GXYLT1: variants seen among roughly 807,000 people sequenced by gnomAD.
GXYLT1 encodes the protein glucoside xylosyltransferase 1.
A neutral mutation model predicts 54.0 loss-of-function variants in GXYLT1; 29 were observed. The ratio of observed to expected loss-of-function variants is 0.54; its 90% confidence interval spans 0.40 to 0.73. The LOEUF (loss-of-function observed/expected upper bound fraction) is 0.73. GXYLT1 is among the 30% of genes least tolerant of loss of function. GXYLT1 has a pLI of 0.00. For missense variants in GXYLT1, 490 were observed against 553.4 expected, an observed-to-expected ratio of 0.89 and a Z score of 1.15; for synonymous variants, 176 against 204.1, an observed-to-expected ratio of 0.86 and a Z score of 1.17.
intron 1 of GXYLT1, 108 bp downstream of exon 1, chr12:42,144,318 G>T: frequency 1.5e-6 from 1 of 665,844 alleles, no homozygotes. Context: ...GAGACAGGAG[G>T]AAAGACGCGG....
chr12:42,102,879 AGTT>A (rs1237372145), intron 5 of GXYLT1, among the ~76,000 whole-genome samples: 1 of 151,854 alleles, frequency 6.6e-6, no homozygotes, highest in Non-Finnish European at 1.5e-5. Flanking sequence ...ATTTTTAAAA[AGTT>A]GTATTTAATA....
At chr12:42,104,507 C>T (rs1239223471) in intron 5 of GXYLT1, among the ~76,000 whole-genome samples, 1 of 145,162 alleles carries the variant, frequency 6.9e-6, no homozygotes, top group Admixed American at 6.9e-5. Flanking sequence ...TTGTGGGAGA[C>T]AAAACTAAAT....
intron 3 of GXYLT1, among the ~76,000 whole-genome samples, chr12:42,112,012 T>C (rs953729853): frequency 3.9e-5 from 6 of 152,188 alleles, no homozygotes; most frequent in African/African-American, 7.2e-5. Flanking sequence ...CTGCTGCTGA[T>C]ACCCAGGCAA....
chr12:42,105,342 C>T (rs193071464), intron 5 of GXYLT1, among the ~76,000 whole-genome samples: 62 of 152,296 alleles, frequency 4.1e-4, no homozygotes, highest in Admixed American at 1.9e-3. Context: ...TATGTGTCAG[C>T]CACTGTTCTA....
At chr12:42,135,294 T>A (rs1249680879) in intron 1 of GXYLT1, among the ~76,000 whole-genome samples, 1 of 152,198 alleles carries the variant, frequency 6.6e-6, no homozygotes, top group Non-Finnish European at 1.5e-5. Context: ...GCCATAGACA[T>A]GTAATGTGTG....
intron 3 of GXYLT1, among the ~76,000 whole-genome samples, chr12:42,114,466 G>A (rs1182035357): frequency 6.6e-6 from 1 of 152,172 alleles, no homozygotes; most frequent in Non-Finnish European, 1.5e-5. Flanking sequence ...CAATCCCACA[G>A]AAATACAAAC....
rs534176750 is a variant in GXYLT1 at position 42,134,415 on chromosome 12, T to C, written c.222-4564A>G. On this transcript the variant is annotated intron_variant, in intron 1 of 7. Coordinates refer to ENST00000398675, the MANE Select transcript of GXYLT1 (RefSeq NM_173601.2). The stretch of plus-strand genomic sequence containing the variant: ...CAGCCTCAATCTCCTGGGCTCAAGC[T>C]ATCGTCCTGCCTCAGTCCCCAAGTA... Among the ~76,000 whole-genome samples, 33 of 152,244 alleles carry C rather than the reference T, an allele frequency of 2.2e-4. No homozygotes were observed. The South Asian group carries it at 6.0e-3, about 28-fold the overall frequency.
At position 42,106,083 on chromosome 12, in the gene GXYLT1, T is replaced by C. The variant is rs374286256; in HGVS notation, c.613-14A>G. On this transcript the variant is annotated splice_polypyrimidine_tract_variant and intron_variant, in intron 4 of 7. Transcript: ENST00000398675. Reference sequence around the variant, plus strand: ...TTTCAGGATTAACTACAAGGAGAGATATTTGAATGATTAACTATAATTCTA... The same window carrying C: ...TTTCAGGATTAACTACAAGGAGAGACATTTGAATGATTAACTATAATTCTA... The C allele has an allele frequency of 3.5e-6, 5 of 1,437,296 alleles. No individual in the cohort carries two copies. Among genetic ancestry groups the C allele is most frequent in the African/African-American group, 1.6e-5 (1 of 61,702 alleles). 89.0% of individuals were successfully genotyped at this position (1,437,296 alleles called of 1,614,324 possible). A position where few individuals can be genotyped will look rare whatever the true frequency, so the allele number is the denominator to read the frequency against.
intron 1 of GXYLT1, among the ~76,000 whole-genome samples, chr12:42,138,539 G>A (rs1592128941): frequency 1.6e-5 from 1 of 61,540 alleles, no homozygotes; most frequent in Non-Finnish European, 3.3e-5. Context: ...ATCTAAAAAA[G>A]GGAGGGGAAA....
chr12:42,103,676 T>C (rs1346217939), intron 5 of GXYLT1, among the ~76,000 whole-genome samples: 5 of 152,202 alleles, frequency 3.3e-5, no homozygotes, highest in Non-Finnish European at 7.3e-5. Context: ...AATCTGAGTA[T>C]GTTCCCAAGG....
intron 3 of GXYLT1, among the ~76,000 whole-genome samples, chr12:42,109,993 T>C (rs1022760976): frequency 7.2e-5 from 11 of 152,204 alleles, no homozygotes; most frequent in African/African-American, 2.7e-4. Context: ...CAACTTTACC[T>C]AATGTGTAAA....
At chr12:42,105,478 A>G (rs1342211451) in intron 5 of GXYLT1, among the ~76,000 whole-genome samples, 1 of 152,202 alleles carries the variant, frequency 6.6e-6, no homozygotes, top group East Asian at 1.9e-4. Flanking sequence ...CCTAAGGTAT[A>G]TCATAATTTA....
At chr12:42,136,388 A>C (rs2065619433) in intron 1 of GXYLT1, among the ~76,000 whole-genome samples, 1 of 152,220 alleles carries the variant, frequency 6.6e-6, no homozygotes, top group Non-Finnish European at 1.5e-5. Flanking sequence ...AACTCTATTA[A>C]ATAATTTTAA....
intron 7 of GXYLT1, among the ~76,000 whole-genome samples, chr12:42,092,663 T>G (rs548765199): frequency 6.6e-6 from 1 of 151,996 alleles, no homozygotes; most frequent in Non-Finnish European, 1.5e-5. Flanking sequence ...ATAAAGCAAA[T>G]GCTTAAAAGA....
At chr12:42,109,192 C>T (rs545527548) in intron 4 of GXYLT1, among the ~76,000 whole-genome samples, 4 of 152,260 alleles carry the variant, frequency 2.6e-5, no homozygotes, top group East Asian at 3.9e-4. Flanking sequence ...ATTTCTCAAA[C>T]TCTAAATGCT....
intron 5 of GXYLT1, among the ~76,000 whole-genome samples, chr12:42,104,753 C>T (rs950890061): frequency 1.3e-5 from 2 of 152,084 alleles, no homozygotes; most frequent in Non-Finnish European, 2.9e-5. Context: ...AACTCCATTC[C>T]ACCAGATACC....
intron 4 of GXYLT1, 39 bp downstream of exon 4, chr12:42,109,527 A>T: frequency 7.4e-7 from 1 of 1,354,282 alleles, no homozygotes; most frequent in Non-Finnish European, 9.7e-7. Flanking sequence ...CAAATTTAAA[A>T]AAAAAAAAAA....
chr12:42,109,834 G>T, intron 3 of GXYLT1, 143 bp from the exon 4 acceptor site: 1 of 522,442 alleles, frequency 1.9e-6, no homozygotes, highest in Non-Finnish European at 3.3e-6. Context: ...AGATTCTTCT[G>T]TTCCACCACT....
At chr12:42,138,476 A>T (rs1029494056) in intron 1 of GXYLT1, among the ~76,000 whole-genome samples, 7 of 152,180 alleles carry the variant, frequency 4.6e-5, no homozygotes, top group Non-Finnish European at 1.5e-5. Flanking sequence ...AGCATCACAC[A>T]ATATACCTCC....
Sources: gnomAD v4.1 joint callset for allele counts (sites outside exome capture counted in the v4.1 genomes callset) on GRCh38, gnomAD v4.1.1 for gene constraint, MANE v1.5 for transcripts, NCBI Gene and HGNC (gene_info 2026-07-23, HGNC 2026-07-21) for gene names.